Variants in NELL1 observed in about 807,000 individuals in gnomAD.
The protein encoded by NELL1 is neural EGFL like 1, also known as protein kinase C-binding protein NELL1.
NELL1 carries 76 observed loss-of-function variants against 107.4 expected under a neutral mutation model. The observed-to-expected ratio is 0.71, with a 90% CI of 0.59 to 0.86. NELL1 has a LOEUF of 0.86. NELL1 is among the 40% of genes least tolerant of loss of function. NELL1 has a pLI of 0.00. For synonymous variants in NELL1, 353 were observed against 341.2 expected (o/e 1.03, Z -0.38); for missense variants, 1,024 against 1,005.5 (o/e 1.02, Z -0.25).
At chr11:21,570,387 G>T (rs910864421) in intron 17 of NELL1, among the ~76,000 whole-genome samples, 1 of 151,792 alleles carries the variant, frequency 6.6e-6, no homozygotes, top group Non-Finnish European at 1.5e-5. Context: ...ATTTGAATAT[G>T]TTAAGTGGTA....
intron 14 of NELL1, among the ~76,000 whole-genome samples, chr11:21,294,503 A>T (rs929489069): frequency 1.3e-5 from 2 of 152,092 alleles, no homozygotes; most frequent in African/African-American, 4.8e-5. Flanking sequence ...AATTAATTGC[A>T]TGGCAAATTG....
At chr11:21,468,163 A>G (rs1438320614) in intron 15 of NELL1, among the ~76,000 whole-genome samples, 2 of 152,116 alleles carry the variant, frequency 1.3e-5, no homozygotes, top group African/African-American at 4.8e-5. Flanking sequence ...TCAGTTTATT[A>G]TTCCACAGGA....
intron 12 of NELL1, among the ~76,000 whole-genome samples, chr11:21,014,628 T>C (rs931713825): frequency 2.6e-5 from 4 of 152,140 alleles, no homozygotes; most frequent in African/African-American, 4.8e-5. Flanking sequence ...TGCTGTAATC[T>C]GAGGGTACTG....
intron 15 of NELL1, among the ~76,000 whole-genome samples, chr11:21,519,711 G>C (rs117698500): frequency 0.01 from 1,554 of 152,126 alleles, 36 homozygotes; most frequent in East Asian, 0.071. Flanking sequence ...GGAATGTACA[G>C]CCGCTACCAC....
At chr11:21,224,229 C>T (rs897777190) in intron 13 of NELL1, among the ~76,000 whole-genome samples, 1 of 151,842 alleles carries the variant, frequency 6.6e-6, no homozygotes, top group Non-Finnish European at 1.5e-5. Flanking sequence ...AAGTTTTTAG[C>T]TAATATTTTT....
intron 2 of NELL1, among the ~76,000 whole-genome samples, chr11:20,696,186 C>T (rs77492535): frequency 0.025 from 3,842 of 152,098 alleles, 88 homozygotes; most frequent in Non-Finnish European, 0.036. Flanking sequence ...GTTAATCTAG[C>T]TAGTGCTCTA....
At chr11:21,419,448 A>T (rs1202261823) in intron 15 of NELL1, among the ~76,000 whole-genome samples, 3 of 152,170 alleles carry the variant, frequency 2.0e-5, no homozygotes, top group Non-Finnish European at 4.4e-5. Flanking sequence ...TGTAGATAGA[A>T]GAGACTTTTA....
chr11:20,695,443 T>C (rs889104401), intron 2 of NELL1, among the ~76,000 whole-genome samples: 2 of 152,044 alleles, frequency 1.3e-5, no homozygotes, highest in African/African-American at 4.8e-5. Flanking sequence ...ATAGATGACT[T>C]TTATTATTTT....
At chr11:21,334,110 T>A (rs1850331592) in intron 14 of NELL1, among the ~76,000 whole-genome samples, 1 of 152,064 alleles carries the variant, frequency 6.6e-6, no homozygotes, top group Non-Finnish European at 1.5e-5. Context: ...CTGAGGACAT[T>A]GATATGTAAA....
At chr11:20,840,744 G>A (rs1848606516) in intron 3 of NELL1, among the ~76,000 whole-genome samples, 1 of 152,230 alleles carries the variant, frequency 6.6e-6, no homozygotes, top group Non-Finnish European at 1.5e-5. Context: ...GTACTTACAA[G>A]TTCATCCAGG....
At chr11:21,126,730 T>A (rs943830044) in intron 13 of NELL1, among the ~76,000 whole-genome samples, 1 of 152,164 alleles carries the variant, frequency 6.6e-6, no homozygotes, top group Non-Finnish European at 1.5e-5. Flanking sequence ...TAAGATACAT[T>A]TGGAAAGCCG....
chr11:20,716,036 A>G (rs982005725), intron 2 of NELL1, among the ~76,000 whole-genome samples: 17 of 152,270 alleles, frequency 1.1e-4, no homozygotes, highest in African/African-American at 4.1e-4. Context: ...AAGTGAAAAA[A>G]AGATTCGATA....
intron 14 of NELL1, among the ~76,000 whole-genome samples, chr11:21,248,528 G>A (rs964347047): frequency 6.6e-6 from 1 of 152,100 alleles, no homozygotes; most frequent in Non-Finnish European, 1.5e-5. Context: ...CCTTCAAATG[G>A]TGGTTCCTGA....
rs74997968 is a variant in NELL1, at chr11:21,016,023, A to T, written c.1300+55463A>T. Among the ~76,000 whole-genome samples, 305 of 152,218 alleles carry T rather than the reference A, an allele frequency of 2.0e-3. 8 individuals are homozygous for T. In the East Asian group the frequency reaches 0.048, roughly 24 times the overall value. On this transcript the variant is annotated intron_variant, in intron 12 of 19. Coordinates refer to ENST00000357134, the MANE Select transcript of NELL1 (RefSeq NM_006157.5). ...TGCCTTTTGTGCGTCTGGTATTGGC[A>T]GAAAGTGAGCTTGTGGGTCCTGCAA...
intron 14 of NELL1, among the ~76,000 whole-genome samples, chr11:21,281,461 A>C (rs970917024): frequency 4.6e-5 from 7 of 152,104 alleles, no homozygotes; most frequent in African/African-American, 1.4e-4. Context: ...CTCTGTACCC[A>C]ACCAGGGCCT....
chr11:21,380,173 C>A (rs1177161126), intron 15 of NELL1, among the ~76,000 whole-genome samples: 1 of 152,038 alleles, frequency 6.6e-6, no homozygotes, highest in South Asian at 2.1e-4. Context: ...CAACTTCTAT[C>A]ATCAACGTTG....
intron 12 of NELL1, among the ~76,000 whole-genome samples, chr11:21,015,063 A>G (rs758614045): frequency 6.6e-6 from 1 of 151,842 alleles, no homozygotes; most frequent in Non-Finnish European, 1.5e-5. Flanking sequence ...TTTTCTTGTC[A>G]TGTCAATTCT....
intron 12 of NELL1, among the ~76,000 whole-genome samples, chr11:21,092,253 G>A (rs990318394): frequency 6.6e-6 from 1 of 152,112 alleles, no homozygotes; most frequent in African/African-American, 2.4e-5. Context: ...AGGACAGTGG[G>A]AACAGTGTCT....
At chr11:21,209,081 G>A (rs1857446148) in intron 13 of NELL1, among the ~76,000 whole-genome samples, 1 of 152,076 alleles carries the variant, frequency 6.6e-6, no homozygotes, top group Non-Finnish European at 1.5e-5. Context: ...GCACAAAGGA[G>A]TCCAATAATG....
Sources: allele counts gnomAD v4.1 joint callset (sites outside exome capture counted in the v4.1 genomes callset), GRCh38; gene constraint gnomAD v4.1.1; transcripts MANE v1.5; gene names NCBI Gene and HGNC (gene_info 2026-07-23, HGNC 2026-07-21).